CDK5RAP2: variants seen among roughly 807,000 people sequenced by gnomAD.
The protein encoded by CDK5RAP2 is CDK5 regulatory subunit associated protein 2.
In CDK5RAP2, 147 loss-of-function variants were observed where a neutral mutation model predicts 232.9. The observed-to-expected ratio is 0.63, with a 90% CI of 0.55 to 0.72. CDK5RAP2 has a LOEUF of 0.72. Ranked by LOEUF, CDK5RAP2 falls within the 30% of genes least tolerant of loss-of-function variation. The pLI is 0.00. For synonymous variants in CDK5RAP2, 833 were observed against 833.7 expected, an observed-to-expected ratio of 1.00 and a Z score of 0.01; for missense variants, 2,195 against 2,231.5, an observed-to-expected ratio of 0.98 and a Z score of 0.33.
chr9:120,559,488 C>CA (rs558274119), intron 3 of CDK5RAP2, among the ~76,000 whole-genome samples: 591 of 48,372 alleles, frequency 0.012, 8 homozygotes, highest in African/African-American at 0.024. Context: ...GACTCTGTCT[C>CA]AAAAAAAAAA....
At chr9:120,421,203 G>A (rs956263308) in intron 26 of CDK5RAP2, among the ~76,000 whole-genome samples, 1 of 152,130 alleles carries the variant, frequency 6.6e-6, no homozygotes, top group South Asian at 2.1e-4. Flanking sequence ...CAAAGGGACC[G>A]TGTCTCCTTT....
chr9:120,546,618 TG>T (rs1009423267), intron 4 of CDK5RAP2, among the ~76,000 whole-genome samples: 86 of 151,706 alleles, frequency 5.7e-4, no homozygotes, highest in African/African-American at 2.0e-3. Flanking sequence ...ATCTCCCTTT[TG>T]TTTTTTTGTT....
intron 12 of CDK5RAP2, among the ~76,000 whole-genome samples, chr9:120,518,204 TGTGTGTGAGA>T (rs1324329739): frequency 5.6e-5 from 6 of 107,258 alleles, no homozygotes; most frequent in African/African-American, 2.0e-4. Context: ...TGTGTGTGTG[TGTGTGTGAGA>T]GAGAGAGAGA....
chr9:120,447,977 A>G lies in CDK5RAP2; in HGVS notation c.2943T>C (p.Cys981=). ...LQGELKEFKT[C]NKQLHQKLIL... is the part of the protein sequence containing the mutation. ...TTAACTTTTGGTGAAGTTGCTTATTACAAGTTTTAAACTCCTTCAGCTCCC... is the reference window on the plus strand; with the variant it reads ...TTAACTTTTGGTGAAGTTGCTTATTGCAAGTTTTAAACTCCTTCAGCTCCC... Residue 981 remains cysteine, a synonymous_variant, in exon 22 of 38, where the codon TGT becomes TGC. Transcript: ENST00000349780. 6.2e-7 allele frequency: 1 copy of G among 1,614,140 alleles called. No homozygotes were observed. The highest frequency in any genetic ancestry group is 8.5e-7 in the Non-Finnish European group (1 of 1,180,024).
intron 3 of CDK5RAP2, among the ~76,000 whole-genome samples, chr9:120,557,945 T>C (rs996370563): frequency 1.3e-5 from 2 of 149,768 alleles, no homozygotes; most frequent in Non-Finnish European, 3.0e-5. Flanking sequence ...TTTGTAGTTT[T>C]AATAGAGACG....
chr9:120,522,840 A>G (rs2040730298), intron 11 of CDK5RAP2, among the ~76,000 whole-genome samples: 1 of 152,236 alleles, frequency 6.6e-6, no homozygotes, highest in African/African-American at 2.4e-5. Context: ...AATTGGCAAA[A>G]AGACCCCAAT....
chr9:120,500,517 T>C (rs1042838824), intron 12 of CDK5RAP2, among the ~76,000 whole-genome samples: 1 of 152,256 alleles, frequency 6.6e-6, no homozygotes, highest in African/African-American at 2.4e-5. Flanking sequence ...AAAAAGGTTC[T>C]TCACAAGTGT....
intron 20 of CDK5RAP2, among the ~76,000 whole-genome samples, chr9:120,456,524 T>C (rs1650636552): frequency 1.3e-5 from 2 of 152,204 alleles, no homozygotes; most frequent in Admixed American, 6.5e-5. Context: ...TTTAAATAGC[T>C]ATAGCACACC....
At chr9:120,492,226 G>A (rs1005431300) in intron 12 of CDK5RAP2, among the ~76,000 whole-genome samples, 1 of 152,062 alleles carries the variant, frequency 6.6e-6, no homozygotes, top group Non-Finnish European at 1.5e-5. Flanking sequence ...AATAAACTAT[G>A]GTACATTCTC....
chr9:120,524,939 G>A, intron 11 of CDK5RAP2, 47 bp downstream of exon 11: 1 of 1,341,828 alleles, frequency 7.5e-7, no homozygotes, highest in Non-Finnish European at 1.1e-6. Flanking sequence ...CACCTCACCA[G>A]GGGTCAGGAT....
At position 120,419,644 on chromosome 9, in the gene CDK5RAP2, T is replaced by C. The variant is rs1036472168; in HGVS notation, c.4177+144A>G. On this transcript the variant is annotated intron_variant, in intron 27 of 37. Coordinates refer to ENST00000349780, the MANE Select transcript of CDK5RAP2 (RefSeq NM_018249.6). ...CTTTCTCTAGTGATAAAGGATACTC[T>C]GAATGACCAGCATTGGCCCTAATGG... 8.1e-6 allele frequency: 6 copies of C among 736,262 alleles called. No homozygotes were observed. In the Admixed American group the frequency reaches 9.6e-5, roughly 12 times the overall value. 45.6% of individuals were successfully genotyped at this position (736,262 alleles called of 1,614,324 possible).
chr9:120,532,891 C>G (rs2041216729), intron 7 of CDK5RAP2, among the ~76,000 whole-genome samples: 1 of 152,140 alleles, frequency 6.6e-6, no homozygotes, highest in African/African-American at 2.4e-5. Context: ...GTACTTGATA[C>G]ACGTTAACCC....
chr9:120,439,687 G>A lies in CDK5RAP2; in HGVS notation c.3434C>T (p.Thr1145Ile). Residue 1145 changes from threonine to isoleucine, a missense_variant, in exon 24 of 38, where the codon ACA (threonine) becomes ATA (isoleucine). Transcript: ENST00000349780. ...GGCCCCTTCTGTCCCACACAAAACT[G>A]TAATTATGGCCTCACTGCACTGGGA... ...KHSQCSEAII[T>I]VLCGTEGAQD... The A allele has an allele frequency of 1.2e-6, 2 of 1,614,244 alleles. No individual in the cohort carries two copies. The highest frequency in any genetic ancestry group is 1.7e-6 in the Non-Finnish European group (2 of 1,180,040).
At chr9:120,396,430 A>T (rs193232292) in intron 35 of CDK5RAP2, among the ~76,000 whole-genome samples, 66 of 152,360 alleles carry the variant, frequency 4.3e-4, no homozygotes, top group Middle Eastern at 3.4e-3. Context: ...CAAATGAGAT[A>T]ATGGAAGACA....
At chr9:120,390,152 G>A (rs1588205881) in intron 36 of CDK5RAP2, 7 of 281,186 alleles carry the variant, frequency 2.5e-5, no homozygotes, top group Non-Finnish European at 4.3e-5. Context: ...ATGGCGCAGG[G>A]AGGGTAGAGG....
chr9:120,563,782 T>C (rs1032010719), intron 3 of CDK5RAP2, among the ~76,000 whole-genome samples: 1 of 152,222 alleles, frequency 6.6e-6, no homozygotes. Context: ...AGCTATGATC[T>C]GGCAGTAAGT....
At chr9:120,441,517 T>C (rs1008691043) in intron 23 of CDK5RAP2, among the ~76,000 whole-genome samples, 1 of 152,214 alleles carries the variant, frequency 6.6e-6, no homozygotes, top group Non-Finnish European at 1.5e-5. Context: ...TAGAAGGAGA[T>C]GCCCTTCACC....
rs1162033140 is a variant in CDK5RAP2, at chr9:120,518,627, T to C, written c.1111A>G (p.Thr371Ala). 3.1e-6 allele frequency: 5 copies of C among 1,613,352 alleles called. No individual in the cohort carries two copies. Among genetic ancestry groups the C allele is most frequent in the East Asian group, 4.5e-5 (2 of 44,860 alleles). ...AGGGCTTCCTTTCCTGATAGAGCAG[T>C]CTCATAGTCTTCAGACCCCTAGAAG... is the stretch of plus-strand genomic sequence containing the variant. ...QEFQGSEDYE[T>A]ALSGKEALSA... The change falls in exon 12 of 38, where the codon ACT (threonine) becomes GCT (alanine). Residue 371 changes from threonine (T) to alanine (A), a missense_variant. By Grantham distance (58) the Thr-to-Ala change is moderately conservative. Coordinates refer to ENST00000349780, the MANE Select transcript of CDK5RAP2 (RefSeq NM_018249.6).
chr9:120,485,711 A>G (rs2038564211), intron 14 of CDK5RAP2, among the ~76,000 whole-genome samples: 1 of 152,250 alleles, frequency 6.6e-6, no homozygotes, highest in Non-Finnish European at 1.5e-5. Flanking sequence ...ACTATGCCTT[A>G]TATTACAGGT....
Sources: allele counts gnomAD v4.1 joint callset (sites outside exome capture counted in the v4.1 genomes callset), GRCh38; gene constraint gnomAD v4.1.1; transcripts MANE v1.5; gene names NCBI Gene and HGNC (gene_info 2026-07-23, HGNC 2026-07-21).